KANK1: variants seen among roughly 807,000 people sequenced by gnomAD.
KANK1 encodes the protein KN motif and ankyrin repeat domains 1, also known as KN motif and ankyrin repeat domain-containing protein 1.
A neutral mutation model predicts 106.2 loss-of-function variants in KANK1; 109 were observed. The ratio of observed to expected loss-of-function variants is 1.03; its 90% CI spans 0.88 to 1.20. KANK1 has a LOEUF of 1.20. Among genes scored for constraint, KANK1 ranks in the 50% most tolerant of loss-of-function variants. The pLI is 0.00. For missense variants in KANK1, 2,399 were observed against 1,710.7 expected, an observed-to-expected ratio of 1.40 and a Z score of -7.10; for synonymous variants, 873 against 652.2, an observed-to-expected ratio of 1.34 and a Z score of -5.16.
intron 1 of KANK1, among the ~76,000 whole-genome samples, chr9:639,932 T>A (rs1259453913): frequency 2.6e-5 from 4 of 152,184 alleles, no homozygotes; most frequent in African/African-American, 9.7e-5. Flanking sequence ...ATCCCATTTG[T>A]GAGGGTTCTA....
intron 10 of KANK1, 144 bp downstream of exon 10, chr9:742,549 C>T: frequency 1.6e-6 from 1 of 626,114 alleles, no homozygotes. Flanking sequence ...CCTCCCTTCA[C>T]AGCCAAGCTT....
At chr9:734,919 G>C in intron 7 of KANK1, 84 bp downstream of exon 7, 1 of 963,222 alleles carries the variant, frequency 1.0e-6, no homozygotes, top group South Asian at 1.3e-5. Context: ...TAGGCTGCCC[G>C]AGCTGTTGCT....
rs377266341 is a variant in KANK1 at position 684,465 on chromosome 9, C to G, written c.37+7456C>G. ...AGATTCGCTGTGTTAAGAACTCGAGCTGTTGCTATTATTCTAAGAGACTGG... is the reference window on the plus strand; with the variant it reads ...AGATTCGCTGTGTTAAGAACTCGAGGTGTTGCTATTATTCTAAGAGACTGG... On this transcript the variant is annotated intron_variant, in intron 2 of 11. Transcript: ENST00000382297. 9.8e-5 allele frequency: 97 copies of G among 985,396 alleles called. No individual in the cohort carries two copies. The African/African-American group carries it at 1.3e-3, about 13-fold the overall frequency. 61.0% of individuals were successfully genotyped at this position (985,396 alleles called of 1,614,324 possible). A position where few individuals can be genotyped will look rare whatever the true frequency, so the allele number is the denominator to read the frequency against.
At chr9:706,873 G>C in intron 2 of KANK1, 8 of 985,482 alleles carry the variant, frequency 8.1e-6, no homozygotes, top group Non-Finnish European at 9.6e-6. Context: ...CTTTCATGAA[G>C]CAGTGACTAG....
At chr9:588,609 A>C (rs551344324) in intron 1 of KANK1, among the ~76,000 whole-genome samples, 32 of 152,320 alleles carry the variant, frequency 2.1e-4, no homozygotes, top group South Asian at 2.1e-3. Context: ...TGTTTTTAAA[A>C]AACATTCTAG....
At chr9:684,185 C>T (rs903079960) in intron 2 of KANK1, 1 of 985,268 alleles carries the variant, frequency 1.0e-6, no homozygotes, top group Non-Finnish European at 1.2e-6. Context: ...TTGCCCCAAG[C>T]CTTGAGCCAG....
chr9:546,309 G>A (rs756086276), intron 1 of KANK1, among the ~76,000 whole-genome samples: 15 of 151,874 alleles, frequency 9.9e-5, no homozygotes, highest in Admixed American at 2.6e-4. Flanking sequence ...AATCAGAGAG[G>A]GTAGGTGCTA....
chr9:630,870 A>C (rs1363818774), intron 1 of KANK1, among the ~76,000 whole-genome samples: 11 of 151,958 alleles, frequency 7.2e-5, no homozygotes, highest in African/African-American at 2.2e-4. Context: ...CACGAGAATC[A>C]CTTGAACCCG....
chr9:669,594 A>C (rs1035158876), intron 1 of KANK1, among the ~76,000 whole-genome samples: 2 of 152,124 alleles, frequency 1.3e-5, no homozygotes, highest in African/African-American at 4.8e-5. Context: ...GTGTGTTGCC[A>C]ACTGAAGTGG....
At chr9:528,723 G>C (rs951010364) in intron 1 of KANK1, among the ~76,000 whole-genome samples, 3 of 151,828 alleles carry the variant, frequency 2.0e-5, no homozygotes, top group Non-Finnish European at 4.4e-5. Flanking sequence ...CCTGACCTCA[G>C]GTGATCCAGC....
At chr9:658,289 A>T (rs1033362922) in intron 1 of KANK1, among the ~76,000 whole-genome samples, 2 of 152,098 alleles carry the variant, frequency 1.3e-5, no homozygotes, top group African/African-American at 4.8e-5. Flanking sequence ...AAACCCATCA[A>T]TGACTTTTAA....
chr9:602,413 C>G (rs1206516935), intron 1 of KANK1, among the ~76,000 whole-genome samples: 2 of 151,622 alleles, frequency 1.3e-5, no homozygotes, highest in Non-Finnish European at 2.9e-5. Flanking sequence ...GCATGCACCA[C>G]CATGCCCAGC....
chr9:590,100 C>T lies in KANK1; in HGVS notation c.-84+85346C>T, dbSNP rs144408591. On this transcript the variant is annotated intron_variant, in intron 1 of 11. Transcript: ENST00000382297. ...GCACTCTGCAATAACCCTCTTGTTT[C>T]CAAATACCAAAGCAGCTGTTGGGCT... is the stretch of plus-strand genomic sequence containing the variant. 8.6e-4 allele frequency among the ~76,000 whole-genome samples: 131 copies of T among 152,246 alleles called. 2 individuals carry two copies. The highest frequency in any genetic ancestry group is 3.0e-3 in the African/African-American group (124 of 41,540).
At chr9:741,084 C>A (rs7048053) in intron 9 of KANK1, 150 bp downstream of exon 9, 1 of 784,998 alleles carries the variant, frequency 1.3e-6, no homozygotes, top group Admixed American at 3.1e-5. Flanking sequence ...CACTGCCTGG[C>A]ACTCCTTGCT....
chr9:701,043 A>G (rs1822532103), intron 2 of KANK1, among the ~76,000 whole-genome samples: 1 of 152,212 alleles, frequency 6.6e-6, no homozygotes, highest in South Asian at 2.1e-4. Flanking sequence ...TCTTTACTCA[A>G]AAGTGGCATT....
intron 1 of KANK1, among the ~76,000 whole-genome samples, chr9:547,683 G>T (rs2061015447): frequency 6.6e-6 from 1 of 151,752 alleles, no homozygotes; most frequent in Admixed American, 6.6e-5. Flanking sequence ...CTAGTGATAA[G>T]AATTCTCTTC....
chr9:575,462 G>GT (rs1428205477), intron 1 of KANK1, among the ~76,000 whole-genome samples: 1 of 146,754 alleles, frequency 6.8e-6, no homozygotes, highest in Non-Finnish European at 1.5e-5. Flanking sequence ...GAGCCCAGGA[G>GT]TTTGAGACCA....
intron 1 of KANK1, among the ~76,000 whole-genome samples, chr9:667,626 A>G (rs1844935344): frequency 2.0e-5 from 3 of 149,422 alleles, no homozygotes; most frequent in African/African-American, 7.4e-5. Flanking sequence ...TTGTGTTTCT[A>G]TTTTTATTTG....
intron 1 of KANK1, among the ~76,000 whole-genome samples, chr9:615,513 T>G (rs990909711): frequency 6.6e-6 from 1 of 152,136 alleles, no homozygotes; most frequent in African/African-American, 2.4e-5. Flanking sequence ...TCTTTTCTCT[T>G]TTTCTTATCA....
Sources: gnomAD v4.1 joint callset for allele counts (sites outside exome capture counted in the v4.1 genomes callset) on GRCh38, gnomAD v4.1.1 for gene constraint, MANE v1.5 for transcripts, NCBI Gene and HGNC (gene_info 2026-07-23, HGNC 2026-07-21) for gene names.